Variants in CAMK1D observed in about 807,000 individuals in gnomAD.
CAMK1D encodes calcium/calmodulin-dependent protein kinase type 1D.
Under a neutral mutation model 47.7 loss-of-function variants are expected in CAMK1D, and 9 were observed. The observed-to-expected ratio is 0.19, with a 90% CI of 0.11 to 0.33. CAMK1D has a LOEUF of 0.33. Among genes scored for constraint, CAMK1D ranks in the 10% least tolerant of loss-of-function variants. The pLI, the probability that CAMK1D is intolerant of heterozygous loss-of-function variation, is 1.00. For missense variants in CAMK1D, 291 were observed against 488.7 expected, an observed-to-expected ratio of 0.60 and a Z score of 3.81; for synonymous variants, 184 against 184.9, an observed-to-expected ratio of 0.99 and a Z score of 0.04.
At chr10:12,416,979 G>A (rs954544515) in intron 1 of CAMK1D, among the ~76,000 whole-genome samples, 15 of 152,070 alleles carry the variant, frequency 9.9e-5, no homozygotes, top group African/African-American at 2.9e-4. Context: ...TGTCACTGGG[G>A]GCCCGGGGTC....
intron 1 of CAMK1D, among the ~76,000 whole-genome samples, chr10:12,526,935 C>G (rs1314730504): frequency 6.6e-6 from 1 of 150,864 alleles, no homozygotes; most frequent in Admixed American, 6.6e-5. Flanking sequence ...CCTCTAGTCC[C>G]AGCTACTCAG....
chr10:12,593,389 A>G (rs1381132155), intron 2 of CAMK1D, among the ~76,000 whole-genome samples: 1 of 152,188 alleles, frequency 6.6e-6, no homozygotes, highest in Non-Finnish European at 1.5e-5. Context: ...CAGGAGTTCA[A>G]CACCAGCCTG....
At chr10:12,443,998 CT>C (rs1276680630) in intron 1 of CAMK1D, among the ~76,000 whole-genome samples, 1 of 152,174 alleles carries the variant, frequency 6.6e-6, no homozygotes, top group Non-Finnish European at 1.5e-5. Context: ...CATGCCCCCC[CT>C]TTTTAGACCA....
At chr10:12,671,911 C>CTTTTTTTTTTTTTT (rs773722384) in intron 3 of CAMK1D, among the ~76,000 whole-genome samples, 1 of 98,922 alleles carries the variant, frequency 1.0e-5, no homozygotes. Flanking sequence ...TCACCTAATT[C>CTTTTTTTTTTTTTT]TTTTTTTTTT....
chr10:12,659,463 A>T (rs1007722729), intron 2 of CAMK1D, among the ~76,000 whole-genome samples: 1 of 152,190 alleles, frequency 6.6e-6, no homozygotes, highest in African/African-American at 2.4e-5. Context: ...GAATGAAATA[A>T]CACCTGCCAA....
intron 8 of CAMK1D, among the ~76,000 whole-genome samples, chr10:12,820,206 A>C (rs1341866542): frequency 6.6e-6 from 1 of 152,092 alleles, no homozygotes; most frequent in Non-Finnish European, 1.5e-5. Context: ...CATCCAGCTA[A>C]TTTTTGTATT....
At chr10:12,542,228 G>A (rs1244367977) in intron 1 of CAMK1D, among the ~76,000 whole-genome samples, 2 of 152,130 alleles carry the variant, frequency 1.3e-5, no homozygotes, top group Non-Finnish European at 1.5e-5. Context: ...CGTGACACTG[G>A]GGAAAATAAT....
chr10:12,817,387 TTG>T (rs1832842179), intron 8 of CAMK1D, among the ~76,000 whole-genome samples: 1 of 152,262 alleles, frequency 6.6e-6, no homozygotes, highest in Non-Finnish European at 1.5e-5. Context: ...CTTTTCGAAT[TTG>T]TGTTTCTTCA....
chr10:12,436,639 C>T (rs1832641359), intron 1 of CAMK1D, among the ~76,000 whole-genome samples: 2 of 152,158 alleles, frequency 1.3e-5, no homozygotes, highest in Admixed American at 1.3e-4. Context: ...GTAGTTAGCC[C>T]ATCTCAGCCC....
At chr10:12,502,945 C>T (rs1486780781) in intron 1 of CAMK1D, among the ~76,000 whole-genome samples, 6 of 152,252 alleles carry the variant, frequency 3.9e-5, no homozygotes, top group African/African-American at 1.2e-4. Flanking sequence ...GGCGTCTCCA[C>T]GTTCTCCCCA....
At chr10:12,540,544 A>G (rs769452541) in intron 1 of CAMK1D, among the ~76,000 whole-genome samples, 17 of 152,244 alleles carry the variant, frequency 1.1e-4, no homozygotes, top group African/African-American at 2.9e-4. Flanking sequence ...CAGAAACCAA[A>G]GATATCACAA....
intron 1 of CAMK1D, among the ~76,000 whole-genome samples, chr10:12,413,605 G>GGTGACCATGACA (rs1839747034): frequency 8.7e-4 from 132 of 152,200 alleles, no homozygotes; most frequent in African/African-American, 3.0e-3. Flanking sequence ...TGGTGATGAT[G>GGTGACCATGACA]ATGGTGATGC....
intron 1 of CAMK1D, among the ~76,000 whole-genome samples, chr10:12,396,981 A>G (rs1838986081): frequency 6.6e-6 from 1 of 152,214 alleles, no homozygotes; most frequent in Admixed American, 6.5e-5. Flanking sequence ...TTTATCGCTC[A>G]TCTCGACTGG....
intron 3 of CAMK1D, among the ~76,000 whole-genome samples, chr10:12,672,982 C>T (rs146596016): frequency 8.3e-4 from 123 of 147,308 alleles, no homozygotes; most frequent in African/African-American, 2.6e-3. Flanking sequence ...CTGCAACTTC[C>T]GCCTCCCGGG....
At chr10:12,691,402 TAAA>T (rs565131203) in intron 3 of CAMK1D, among the ~76,000 whole-genome samples, 4 of 7,284 alleles carry the variant, frequency 5.5e-4, no homozygotes, top group Non-Finnish European at 1.1e-3. Flanking sequence ...TATATATATA[TAAA>T]TATATATATA....
chr10:12,689,640 G>C (rs1339461379), intron 3 of CAMK1D, among the ~76,000 whole-genome samples: 2 of 152,056 alleles, frequency 1.3e-5, no homozygotes, highest in Non-Finnish European at 2.9e-5. Context: ...GCCAGGCCTG[G>C]TAGTGCATGC....
chr10:12,551,913 C>T (rs1836595827), intron 1 of CAMK1D, among the ~76,000 whole-genome samples: 1 of 152,194 alleles, frequency 6.6e-6, no homozygotes, highest in Admixed American at 6.5e-5. Context: ...ATTGCCATAA[C>T]ACTGGGGCTT....
chr10:12,418,694 A>AT (rs1564327638), intron 1 of CAMK1D, among the ~76,000 whole-genome samples: 1 of 152,044 alleles, frequency 6.6e-6, no homozygotes, highest in Non-Finnish European at 1.5e-5. Flanking sequence ...TCAGCATTAA[A>AT]TTTTTTTTCT....
At chr10:12,527,350 C>CTTTTTTT (rs750670427) in intron 1 of CAMK1D, among the ~76,000 whole-genome samples, 13 of 84,034 alleles carry the variant, frequency 1.5e-4, no homozygotes, top group East Asian at 7.4e-4. Context: ...ACTTGACTTG[C>CTTTTTTT]TTTTTTTTTT....
Sources: allele counts gnomAD v4.1 joint callset (sites outside exome capture counted in the v4.1 genomes callset), GRCh38; gene constraint gnomAD v4.1.1; transcripts MANE v1.5; gene names NCBI Gene and HGNC (gene_info 2026-07-23, HGNC 2026-07-21).